The following COL23A1 variants were observed in gnomAD, a reference collection of about 807,000 sequenced individuals.
COL23A1 encodes collagen type XXIII alpha 1 chain, also known as collagen alpha-1(XXIII) chain.
Under a neutral mutation model 99.3 loss-of-function variants are expected in COL23A1, and 97 were observed. That is an observed-to-expected ratio of 0.98 (90% CI 0.83 to 1.16). COL23A1 has a LOEUF of 1.16. Among genes scored for constraint, COL23A1 ranks in the 50% most tolerant of loss-of-function variants. COL23A1 has a pLI of 0.00. For missense variants in COL23A1, 762 were observed against 757.4 expected, an observed-to-expected ratio of 1.01 and a Z score of -0.07; for synonymous variants, 320 against 308.2, an observed-to-expected ratio of 1.04 and a Z score of -0.40.
intron 22 of COL23A1, among the ~76,000 whole-genome samples, chr5:178,246,728 C>CGG (rs5873597): frequency 6.8e-6 from 1 of 147,030 alleles, no homozygotes; most frequent in African/African-American, 2.6e-5. Flanking sequence ...AGACGGGGGG[C>CGG]GGGGGGGGGG....
At chr5:178,403,132 A>AAAAAAAAAAAAAAAAAAAAAC (rs1764557667) in intron 2 of COL23A1, among the ~76,000 whole-genome samples, 1 of 119,246 alleles carries the variant, frequency 8.4e-6, no homozygotes, top group African/African-American at 3.3e-5. Flanking sequence ...ATAAATAAAT[A>AAAAAAAAAAAAAAAAAAAAAC]AAAAATAAAT....
intron 18 of COL23A1, among the ~76,000 whole-genome samples, chr5:178,249,714 A>ACT (rs1554125211): frequency 6.3e-4 from 73 of 116,308 alleles, no homozygotes; most frequent in East Asian, 2.0e-3. Context: ...ACACACACAC[A>ACT]CACTCTCTCT....
At chr5:178,246,945 CCT>C (rs1764732046) in intron 22 of COL23A1, among the ~76,000 whole-genome samples, 1 of 152,172 alleles carries the variant, frequency 6.6e-6, no homozygotes, top group Non-Finnish European at 1.5e-5. Flanking sequence ...CCACATCTGG[CCT>C]CTGAGCTGGG....
chr5:178,471,880 CCT>C (rs908909393), intron 2 of COL23A1, among the ~76,000 whole-genome samples: 15 of 152,292 alleles, frequency 9.8e-5, no homozygotes, highest in African/African-American at 2.4e-4. Flanking sequence ...CCTTCCACCC[CCT>C]GACTGACTCC....
In COL23A1 at chr5:178,434,235, G is replaced by A. The variant is rs1766424014; in HGVS notation, c.361+126447C>T. ...CCCCAGGTCACACACTGATGCCCCA[G>A]GTCACACTGTGGGTCAGTGGCAGGC... is the stretch of plus-strand genomic sequence containing the variant. On this transcript the variant is annotated intron_variant, in intron 2 of 28. Coordinates refer to ENST00000390654, the MANE Select transcript of COL23A1 (RefSeq NM_173465.4). This position sits in a 1 kb window ranked among gnomAD's most constrained non-coding sequence, Gnocchi z 4.3. Among the ~76,000 whole-genome samples, 1 of 152,216 alleles carries A rather than the reference G, an allele frequency of 6.6e-6. No individual in the cohort carries two copies. The highest frequency in any genetic ancestry group is 2.4e-5 in the African/African-American group (1 of 41,454).
intron 3 of COL23A1, among the ~76,000 whole-genome samples, chr5:178,294,050 G>A (rs1757602075): frequency 6.6e-6 from 1 of 152,002 alleles, no homozygotes; most frequent in Non-Finnish European, 1.5e-5. Context: ...GGGTGCACGT[G>A]GGATCAGAGA....
rs1762445308 is a variant in COL23A1 at position 178,365,861 on chromosome 5, A to T, written c.362-58942T>A. On this transcript the variant is annotated intron_variant, in intron 2 of 28. Transcript: ENST00000390654. This position sits in a 1 kb window ranked among gnomAD's most constrained non-coding sequence, Gnocchi z 5.2. ...GTGATGGTCTCCTGGCCACATGGGG[A>T]GCTCCTCGAGGGCAAGGCCTGGGAA... Among the ~76,000 whole-genome samples the T allele has an allele frequency of 2.0e-5, 3 of 151,820 alleles. No homozygotes were observed. Among genetic ancestry groups the T allele is most frequent in the Non-Finnish European group, 4.4e-5 (3 of 67,956 alleles).
At chr5:178,377,412 C>T (rs1295971261) in intron 2 of COL23A1, among the ~76,000 whole-genome samples, 1 of 152,262 alleles carries the variant, frequency 6.6e-6, no homozygotes, top group African/African-American at 2.4e-5. Context: ...GGCCACCCCA[C>T]TGCTTCTGGA....
At chr5:178,423,124 G>A (rs768604372) in intron 2 of COL23A1, among the ~76,000 whole-genome samples, 10 of 152,020 alleles carry the variant, frequency 6.6e-5, no homozygotes, top group Middle Eastern at 3.4e-3. Context: ...ACATCACCAC[G>A]CCTGACTAAT....
Position 178,262,222 on chromosome 5 carries a change from C to T in COL23A1, c.670G>A (p.Glu224Lys), listed in dbSNP as rs755809534. The T allele has an allele frequency of 6.3e-6, 10 of 1,583,452 alleles. No homozygotes were observed. The highest frequency in any genetic ancestry group is 4.0e-5 in the African/African-American group (3 of 74,728). The change falls in exon 10 of 29, where the codon GAG (glutamate) becomes AAG (lysine). Residue 224 changes from glutamate to lysine, a missense_variant. Coordinates refer to ENST00000390654, the MANE Select transcript of COL23A1 (RefSeq NM_173465.4). The part of the protein sequence containing the change: ...GPKGEPGQDG[E>K]MGPKGPPGPK... ...GGAATGCCCTGGATACTGACCATCT[C>T]GCCGTCTTGTCCGGGCTCTCCTTTG...
chr5:178,272,946 C>A (rs1327665293), intron 5 of COL23A1, among the ~76,000 whole-genome samples: 7 of 152,230 alleles, frequency 4.6e-5, no homozygotes, highest in Admixed American at 4.6e-4. Flanking sequence ...TCATCCCCAT[C>A]TTACGGAGAA....
chr5:178,301,645 T>C (rs1409856072), intron 3 of COL23A1, among the ~76,000 whole-genome samples: 4 of 152,260 alleles, frequency 2.6e-5, no homozygotes, highest in East Asian at 1.9e-4. Context: ...TTCTTTAAAG[T>C]GTGTCTTTTT....
intron 2 of COL23A1, among the ~76,000 whole-genome samples, chr5:178,346,901 C>A (rs1333793235): frequency 1.3e-5 from 2 of 152,314 alleles, no homozygotes; most frequent in Non-Finnish European, 1.5e-5. Flanking sequence ...AGCGACCCAG[C>A]CTTGGGTTGG....
intron 16 of COL23A1, among the ~76,000 whole-genome samples, chr5:178,253,207 TC>T (rs2127541014): frequency 6.6e-6 from 1 of 150,980 alleles, no homozygotes; most frequent in Non-Finnish European, 1.5e-5. Flanking sequence ...GCCTCCACAC[TC>T]CTCCCCTCCC....
chr5:178,470,925 T>C (rs1217889315), intron 2 of COL23A1, among the ~76,000 whole-genome samples: 2 of 152,186 alleles, frequency 1.3e-5, no homozygotes, highest in African/African-American at 2.4e-5. Context: ...CTTTTGTCCA[T>C]TCCTAAATAT....
intron 1 of COL23A1, among the ~76,000 whole-genome samples, chr5:178,569,722 T>C (rs923715023): frequency 1.3e-5 from 2 of 152,140 alleles, no homozygotes; most frequent in Non-Finnish European, 2.9e-5. Flanking sequence ...TTCTCTCAAG[T>C]TCATGTGGTT....
intron 2 of COL23A1, among the ~76,000 whole-genome samples, chr5:178,481,445 G>T (rs1291858948): frequency 6.6e-6 from 1 of 152,044 alleles, no homozygotes; most frequent in African/African-American, 2.4e-5. Context: ...ACAACCCAGA[G>T]AATTTGCAAG....
intron 2 of COL23A1, among the ~76,000 whole-genome samples, chr5:178,349,123 A>G (rs2973803): frequency 0.98 from 149,677 of 152,352 alleles, 73,573 homozygotes; most frequent in Middle Eastern, 1. Context: ...GAGAACTCGG[A>G]TGATTGATGC....
intron 2 of COL23A1, among the ~76,000 whole-genome samples, chr5:178,389,600 C>T (rs1454530011): frequency 6.6e-6 from 1 of 152,204 alleles, no homozygotes; most frequent in African/African-American, 2.4e-5. Context: ...CTTCCCTCCA[C>T]CCCCAAGTCG....
Sources: allele counts gnomAD v4.1 joint callset (sites outside exome capture counted in the v4.1 genomes callset), GRCh38; gene constraint gnomAD v4.1.1; non-coding constraint Gnocchi (gnomAD v3.1); transcripts MANE v1.5; gene names NCBI Gene and HGNC (gene_info 2026-07-23, HGNC 2026-07-21).